The following EPB41L4A variants were observed in gnomAD, a reference collection of about 807,000 sequenced individuals.
EPB41L4A encodes the protein erythrocyte membrane protein band 4.1 like 4A.
In EPB41L4A, 100 loss-of-function variants were observed where a neutral mutation model predicts 108.6. The ratio of observed to expected loss-of-function variants is 0.92; its 90% confidence interval spans 0.78 to 1.09. The LOEUF (loss-of-function observed/expected upper bound fraction) is 1.09. Ranked by LOEUF, EPB41L4A falls within the 50% of genes least tolerant of loss-of-function variation. The pLI is 0.00. For missense variants in EPB41L4A, 1,030 were observed against 842.7 expected (o/e 1.22, Z -2.75); for synonymous variants, 319 against 289.0 (o/e 1.10, Z -1.05).
At chr5:112,206,734 T>C (rs1381341976) in intron 13 of EPB41L4A, among the ~76,000 whole-genome samples, 1 of 152,220 alleles carries the variant, frequency 6.6e-6, no homozygotes, top group Non-Finnish European at 1.5e-5. Flanking sequence ...GACAAGTTAA[T>C]TGCATTCACA....
At chr5:112,183,943 A>G in intron 18 of EPB41L4A, 73 bp downstream of exon 18, 2 of 1,573,886 alleles carry the variant, frequency 1.3e-6, no homozygotes, top group South Asian at 1.2e-5. Flanking sequence ...AAAACACTTT[A>G]GAAGACCTGA....
chr5:112,145,016 G>T (rs939152687), intron 13 of EPB41L4A, among the ~76,000 whole-genome samples: 1 of 152,210 alleles, frequency 6.6e-6, no homozygotes, highest in Admixed American at 6.5e-5. Flanking sequence ...GCTGTGCGTG[G>T]TGGTGACTCA....
intron 12 of EPB41L4A, among the ~76,000 whole-genome samples, chr5:112,157,465 G>A (rs76379073): frequency 0.043 from 6,514 of 152,270 alleles, 176 homozygotes; most frequent in Middle Eastern, 0.068. Flanking sequence ...CACAAATTTA[G>A]TGGCTTAAAA....
chr5:112,327,439 G>A (rs1643240134), intron 1 of EPB41L4A, among the ~76,000 whole-genome samples: 1 of 152,110 alleles, frequency 6.6e-6, no homozygotes, highest in African/African-American at 2.4e-5. Flanking sequence ...ACTTAGACTG[G>A]GTGCAGTGGC....
intron 1 of EPB41L4A, among the ~76,000 whole-genome samples, chr5:112,375,677 G>C (rs1757135671): frequency 6.6e-6 from 1 of 152,192 alleles, no homozygotes; most frequent in Non-Finnish European, 1.5e-5. Flanking sequence ...TAGTTGCACT[G>C]CTGGCCCAGC....
intron 15 of EPB41L4A, among the ~76,000 whole-genome samples, chr5:112,195,944 T>A (rs1761947417): frequency 6.6e-6 from 1 of 152,180 alleles, no homozygotes; most frequent in South Asian, 2.1e-4. Context: ...CCGAATTCCA[T>A]TAATCCAATG....
chr5:112,404,610 C>T (rs191497991), intron 1 of EPB41L4A, among the ~76,000 whole-genome samples: 2 of 152,278 alleles, frequency 1.3e-5, no homozygotes, highest in East Asian at 1.9e-4. Context: ...TCCAGATATT[C>T]GGAGTCTATA....
intron 1 of EPB41L4A, among the ~76,000 whole-genome samples, chr5:112,375,147 T>TTAA (rs781182072): frequency 1.6e-4 from 25 of 152,148 alleles, no homozygotes; most frequent in Non-Finnish European, 3.4e-4. Flanking sequence ...AGGACAGAGT[T>TTAA]GAGACTTACT....
intron 12 of EPB41L4A, among the ~76,000 whole-genome samples, chr5:112,233,006 T>G (rs1749064214): frequency 6.6e-6 from 1 of 152,158 alleles, no homozygotes; most frequent in African/African-American, 2.4e-5. Flanking sequence ...TTAAAGCTGC[T>G]TGATTAGGTG....
At chr5:112,232,297 C>T (rs1240003264) in intron 12 of EPB41L4A, among the ~76,000 whole-genome samples, 1 of 152,130 alleles carries the variant, frequency 6.6e-6, no homozygotes, top group Non-Finnish European at 1.5e-5. Context: ...TGCATATGAG[C>T]GTGTTCTCTC....
At chr5:112,261,698 T>C (rs1051529366) in intron 7 of EPB41L4A, among the ~76,000 whole-genome samples, 4 of 152,218 alleles carry the variant, frequency 2.6e-5, no homozygotes, top group Admixed American at 2.0e-4. Flanking sequence ...AAAATATTTC[T>C]ATTAATGCAG....
chr5:112,195,515 A>T (rs552311051), intron 16 of EPB41L4A, 146 bp downstream of exon 16: 4 of 686,466 alleles, frequency 5.8e-6, no homozygotes, highest in Non-Finnish European at 1.0e-5. Flanking sequence ...AGAATGGAAG[A>T]CTGGGAATCA....
chr5:112,419,745 A>G, upstream of EPB41L4A: 1 of 456,774 alleles, frequency 2.2e-6, no homozygotes, highest in Non-Finnish European at 4.4e-6. Context: ...CGGAAAGGGC[A>G]GCAGGCTCCT....
chr5:112,273,544 G>A (rs968917044), intron 4 of EPB41L4A, among the ~76,000 whole-genome samples: 1 of 152,180 alleles, frequency 6.6e-6, no homozygotes, highest in African/African-American at 2.4e-5. Context: ...AAAAAGGATA[G>A]AATGAAATAA....
At chr5:112,274,927 C>A (rs1224473434) in intron 4 of EPB41L4A, among the ~76,000 whole-genome samples, 1 of 152,146 alleles carries the variant, frequency 6.6e-6, no homozygotes, top group Non-Finnish European at 1.5e-5. Flanking sequence ...AATATTTAAG[C>A]TACAACCAAT....
At chr5:112,260,096 ACAT>A in intron 7 of EPB41L4A, 117 bp from the exon 8 acceptor site, 1 of 764,834 alleles carries the variant, frequency 1.3e-6, no homozygotes, top group Non-Finnish European at 2.2e-6. Context: ...TTTTTGAAAG[ACAT>A]CAGCCTAGAA....
At chr5:112,365,879 A>G (rs1759092762) in intron 1 of EPB41L4A, among the ~76,000 whole-genome samples, 2 of 152,336 alleles carry the variant, frequency 1.3e-5, no homozygotes, top group East Asian at 1.9e-4. Flanking sequence ...GATTTAGAAA[A>G]CATCGGATTT....
chr5:112,183,809 T>C (rs1761285247), intron 18 of EPB41L4A, among the ~76,000 whole-genome samples: 1 of 152,230 alleles, frequency 6.6e-6, no homozygotes, highest in Non-Finnish European at 1.5e-5. Context: ...TTGAGGGCCT[T>C]GTTTTCATGA....
chr5:112,228,172 GT>G lies in EPB41L4A; in HGVS notation c.1087+6461del, dbSNP rs1177029770. The G allele has an allele frequency of 2.0e-5, 3 of 152,204 alleles. No individual in the cohort carries two copies. In the East Asian group the frequency reaches 5.8e-4, roughly 29 times the overall value. 9.4% of individuals were successfully genotyped at this position (152,204 alleles called of 1,614,324 possible). The stretch of plus-strand genomic sequence containing the variant: ...GGGAAGCAGCCCTCAAGCCAAATCT[GT>G]TGATCAGAAATGTTTAACTTAGCAC... On this transcript the variant is annotated intron_variant, in intron 12 of 22. Transcript: ENST00000261486.
Sources: allele counts gnomAD v4.1 joint callset (sites outside exome capture counted in the v4.1 genomes callset), GRCh38; gene constraint gnomAD v4.1.1; transcripts MANE v1.5; gene names NCBI Gene and HGNC (gene_info 2026-07-23, HGNC 2026-07-21).